The following DAG1 variants were observed in gnomAD, a reference collection of about 807,000 sequenced individuals.
DAG1 encodes dystroglycan 1 (dystrophin-associated glycoprotein 1).
Under a neutral mutation model 46.1 loss-of-function variants are expected in DAG1, and 8 were observed. The observed-to-expected ratio is 0.17, with a 90% CI of 0.10 to 0.31. DAG1 has a LOEUF of 0.31. Ranked by LOEUF, DAG1 falls within the 10% of genes least tolerant of loss-of-function variation. The probability of loss-of-function intolerance (pLI) is 1.00; values close to 1 mark genes in which losing one functional copy is unlikely to be tolerated. For missense variants in DAG1, 1,003 were observed against 1,189.9 expected, an observed-to-expected ratio of 0.84 and a Z score of 2.31; for synonymous variants, 495 against 481.8, an observed-to-expected ratio of 1.03 and a Z score of -0.36.
rs753266912 is a variant in DAG1 at position 49,510,832 on chromosome 3, A to AT, written c.285+14dup. 4 of 1,613,988 alleles carry AT rather than the reference A, an allele frequency of 2.5e-6. No individual in the cohort carries two copies. Among genetic ancestry groups the AT allele is most frequent in the Non-Finnish European group, 3.4e-6 (4 of 1,179,970 alleles). On this transcript the variant is annotated intron_variant, in intron 2 of 2. Coordinates refer to ENST00000308775, the MANE Select transcript of DAG1 (RefSeq NM_004393.6). ...AGATATCATCAAGGTGAGACTGGATATAAAGCATAAATGAGGAAGAGTTCT... is the reference window on the plus strand; with the variant it reads ...AGATATCATCAAGGTGAGACTGGATATTAAAGCATAAATGAGGAAGAGTTCT...
intron 1 of DAG1, chr3:49,476,801 A>G (rs542793610): frequency 4.6e-5 from 7 of 152,036 alleles, no homozygotes; most frequent in East Asian, 3.9e-4. Context: ...GTATAATTCT[A>G]TTTCAGTTGT....
intron 1 of DAG1, among the ~76,000 whole-genome samples, chr3:49,472,588 A>G (rs1188919111): frequency 6.6e-6 from 1 of 152,148 alleles, no homozygotes; most frequent in East Asian, 1.9e-4. Context: ...CGGGCGGATC[A>G]CGAGGTCAGG....
chr3:49,525,308 A>G (rs1478509927), intron 2 of DAG1, among the ~76,000 whole-genome samples: 1 of 152,160 alleles, frequency 6.6e-6, no homozygotes, highest in Non-Finnish European at 1.5e-5. Context: ...AAAGCAGGTG[A>G]CTAGGTTGGA....
At chr3:49,517,836 G>A (rs572485208) in intron 2 of DAG1, among the ~76,000 whole-genome samples, 95 of 152,338 alleles carry the variant, frequency 6.2e-4, no homozygotes, top group African/African-American at 2.2e-3. Context: ...ATGTGATAAA[G>A]CATTAACAGA....
intron 1 of DAG1, among the ~76,000 whole-genome samples, chr3:49,479,681 G>GCCCA: frequency 1.1e-5 from 1 of 89,678 alleles, no homozygotes; most frequent in South Asian, 3.7e-4. Flanking sequence ...TCTGTCACCT[G>GCCCA]GGCTGGAGTG....
intron 1 of DAG1, among the ~76,000 whole-genome samples, chr3:49,492,504 A>C (rs1482860929): frequency 2.0e-5 from 3 of 151,888 alleles, no homozygotes; most frequent in Non-Finnish European, 4.4e-5. Flanking sequence ...AAATTAGCCA[A>C]GTGTGGTGGT....
At chr3:49,472,914 G>A (rs1250321660) in intron 1 of DAG1, among the ~76,000 whole-genome samples, 1 of 151,760 alleles carries the variant, frequency 6.6e-6, no homozygotes, top group Non-Finnish European at 1.5e-5. Context: ...GAGGTCAGGA[G>A]TTCAGGACCA....
At chr3:49,528,101 A>G (rs1016029450) in intron 2 of DAG1, among the ~76,000 whole-genome samples, 6 of 151,316 alleles carry the variant, frequency 4.0e-5, no homozygotes, top group Admixed American at 1.3e-4. Context: ...AAAACATCTC[A>G]TGGGCCTTAC....
chr3:49,479,326 T>TC (rs1411224197), intron 1 of DAG1, among the ~76,000 whole-genome samples: 1 of 151,666 alleles, frequency 6.6e-6, no homozygotes, highest in African/African-American at 2.4e-5. Flanking sequence ...TTTTTTTTTT[T>TC]TGAGACAGAG....
At chr3:49,530,535 CT>C (rs1426894717) in intron 2 of DAG1, among the ~76,000 whole-genome samples, 1 of 152,172 alleles carries the variant, frequency 6.6e-6, no homozygotes, top group Admixed American at 6.5e-5. Context: ...GAGACATGTG[CT>C]TGAGTGCCAG....
At chr3:49,508,994 A>T (rs1025766644) in intron 1 of DAG1, among the ~76,000 whole-genome samples, 2 of 152,224 alleles carry the variant, frequency 1.3e-5, no homozygotes, top group Non-Finnish European at 2.9e-5. Flanking sequence ...CATAAGATTG[A>T]GGATGATTCC....
intron 2 of DAG1, among the ~76,000 whole-genome samples, chr3:49,514,181 TG>T (rs1488289496): frequency 6.6e-6 from 1 of 152,180 alleles, no homozygotes; most frequent in Non-Finnish European, 1.5e-5. Flanking sequence ...TTATATGGGT[TG>T]GGGAGTCAGA....
chr3:49,503,445 A>G (rs1008494327), intron 1 of DAG1, among the ~76,000 whole-genome samples: 1 of 152,032 alleles, frequency 6.6e-6, no homozygotes, highest in African/African-American at 2.4e-5. Context: ...ATATTTTTTG[A>G]TAAGGATTCA....
At chr3:49,501,243 T>A (rs1251305045) in intron 1 of DAG1, among the ~76,000 whole-genome samples, 1 of 152,172 alleles carries the variant, frequency 6.6e-6, no homozygotes, top group African/African-American at 2.4e-5. Context: ...CATAACTGAC[T>A]GTTTTTAAAT....
At position 49,510,432 on chromosome 3, in the gene DAG1, C is replaced by T. The variant is rs113829476; in HGVS notation, c.-103C>T. Reference sequence around the variant, plus strand: ...TTTTTTTTTCAGGCTCTGTGTGCTCCGGGATGGAGCAGGTGTGCAGAGGGT... The same window carrying T: ...TTTTTTTTTCAGGCTCTGTGTGCTCTGGGATGGAGCAGGTGTGCAGAGGGT... On this transcript the variant is annotated 5_prime_UTR_variant, in exon 2 of 3. Transcript: ENST00000308775. 1.0e-4 allele frequency: 116 copies of T among 1,140,576 alleles called. 2 individuals are homozygous for T. In the South Asian group the frequency reaches 1.1e-3, roughly 11 times the overall value. The allele number at this position is 1,140,576 out of a possible 1,614,324, so 70.7% of individuals were successfully genotyped here.
chr3:49,482,954 A>T (rs773938573), intron 1 of DAG1, among the ~76,000 whole-genome samples: 8 of 151,998 alleles, frequency 5.3e-5, no homozygotes, highest in African/African-American at 1.2e-4. Flanking sequence ...TGTCATAAAC[A>T]CCTCTGTTAA....
At chr3:49,521,808 G>A (rs1032506038) in intron 2 of DAG1, among the ~76,000 whole-genome samples, 1 of 151,890 alleles carries the variant, frequency 6.6e-6, no homozygotes, top group Non-Finnish European at 1.5e-5. Context: ...CAGTTCCCTG[G>A]TCATTGGTCA....
intron 1 of DAG1, among the ~76,000 whole-genome samples, chr3:49,475,254 G>A (rs190224640): frequency 5.7e-4 from 87 of 151,558 alleles, no homozygotes; most frequent in African/African-American, 1.9e-3. Flanking sequence ...ACAGGCATGC[G>A]TCAGCATGCC....
At chr3:49,529,225 G>T (rs771876093) in intron 2 of DAG1, among the ~76,000 whole-genome samples, 3 of 152,014 alleles carry the variant, frequency 2.0e-5, no homozygotes, top group Non-Finnish European at 4.4e-5. Flanking sequence ...AGAGATGGGG[G>T]TCTCACTGTG....
Sources: allele counts gnomAD v4.1 joint callset (sites outside exome capture counted in the v4.1 genomes callset), GRCh38; gene constraint gnomAD v4.1.1; transcripts MANE v1.5; gene names NCBI Gene and HGNC (gene_info 2026-07-23, HGNC 2026-07-21).